The following PEX5L variants were observed in gnomAD, a reference collection of about 807,000 sequenced individuals.
PEX5L encodes the protein PEX5-related protein.
In PEX5L, 30 loss-of-function variants were observed where a neutral mutation model predicts 84.0. That is an observed-to-expected ratio of 0.36 (90% confidence interval 0.27 to 0.48). The LOEUF (loss-of-function observed/expected upper bound fraction) is 0.48. Among genes scored for constraint, PEX5L ranks in the 20% least tolerant of loss-of-function variants. The pLI is 0.99. For synonymous variants in PEX5L, 270 were observed against 283.1 expected (o/e 0.95, Z 0.46); for missense variants, 533 against 754.6 (o/e 0.71, Z 3.44).
chr3:179,869,039 T>G (rs1749366437), intron 7 of PEX5L, among the ~76,000 whole-genome samples: 1 of 152,188 alleles, frequency 6.6e-6, no homozygotes, highest in Non-Finnish European at 1.5e-5. Flanking sequence ...TTGCCAACAT[T>G]TAAATTGTTC....
intron 6 of PEX5L, among the ~76,000 whole-genome samples, chr3:179,875,002 G>C (rs1372162547): frequency 2.6e-5 from 4 of 151,194 alleles, no homozygotes; most frequent in African/African-American, 7.3e-5. Context: ...AACCAAAAAA[G>C]GTACCTGTAT....
chr3:179,983,615 A>C (rs567484817), intron 1 of PEX5L, among the ~76,000 whole-genome samples: 1 of 152,196 alleles, frequency 6.6e-6, no homozygotes, highest in South Asian at 2.1e-4. Flanking sequence ...ACTTAAAAAA[A>C]ACTCCACCAT....
intron 2 of PEX5L, among the ~76,000 whole-genome samples, chr3:179,946,531 GACA>G (rs1777596135): frequency 6.6e-6 from 1 of 152,128 alleles, no homozygotes; most frequent in Non-Finnish European, 1.5e-5. Flanking sequence ...AGGGAATAAT[GACA>G]ACAAGAAGAA....
intron 9 of PEX5L, among the ~76,000 whole-genome samples, chr3:179,817,121 A>AT (rs1212975562): frequency 6.6e-6 from 1 of 152,092 alleles, no homozygotes; most frequent in African/African-American, 2.4e-5. Flanking sequence ...ATAGCTAAGA[A>AT]TTTTTTTGCC....
chr3:179,973,562 T>C (rs961198686), intron 1 of PEX5L: 25 of 973,522 alleles, frequency 2.6e-5, no homozygotes, highest in South Asian at 4.7e-5. Context: ...TCTCTGCATA[T>C]GGACTCTTCA....
intron 1 of PEX5L, among the ~76,000 whole-genome samples, chr3:179,989,475 ATAAC>A (rs1486510590): frequency 6.6e-6 from 1 of 152,216 alleles, no homozygotes; most frequent in Non-Finnish European, 1.5e-5. Context: ...GAAATGTCAG[ATAAC>A]TAGTTTACAA....
rs552662891 is a variant in PEX5L at position 179,876,250 on chromosome 3, T to C, written c.506-773A>G. Among the ~76,000 whole-genome samples the C allele has an allele frequency of 7.9e-5, 12 of 152,102 alleles. No homozygotes were observed. In the South Asian group the frequency reaches 2.3e-3, roughly 29 times the overall value. On this transcript the variant is annotated intron_variant, in intron 5 of 14. Transcript: ENST00000467460. The stretch of plus-strand genomic sequence containing the variant: ...GGCTCACGCCTATAATCCCAGCACA[T>C]TGGGAGGCAGAGGCGGGTGGATCAC...
intron 1 of PEX5L, among the ~76,000 whole-genome samples, chr3:180,002,322 C>G (rs1788498927): frequency 6.6e-6 from 1 of 152,108 alleles, no homozygotes; most frequent in Non-Finnish European, 1.5e-5. Context: ...TGCCAGGTTA[C>G]AAGCTTGCTG....
At chr3:180,031,450 T>C (rs909775934) in intron 1 of PEX5L, among the ~76,000 whole-genome samples, 2 of 152,162 alleles carry the variant, frequency 1.3e-5, no homozygotes, top group African/African-American at 4.8e-5. Flanking sequence ...TAGTTCAAGA[T>C]GATTTGTGTT....
intron 2 of PEX5L, among the ~76,000 whole-genome samples, chr3:179,923,183 C>T (rs980820770): frequency 6.7e-6 from 1 of 148,924 alleles, no homozygotes; most frequent in Non-Finnish European, 1.5e-5. Context: ...CCCAGTTACT[C>T]GGGAGGCTGA....
chr3:179,959,366 T>C (rs1352854764), intron 2 of PEX5L, among the ~76,000 whole-genome samples: 1 of 152,174 alleles, frequency 6.6e-6, no homozygotes, highest in Non-Finnish European at 1.5e-5. Context: ...TGGGAGCCCT[T>C]GGTTCCAACT....
chr3:180,012,369 T>G (rs1789563972), intron 1 of PEX5L, among the ~76,000 whole-genome samples: 2 of 150,404 alleles, frequency 1.3e-5, no homozygotes, highest in Non-Finnish European at 3.0e-5. Context: ...AGCAGAGTAT[T>G]TTTGTATTCT....
At chr3:179,863,249 T>G (rs889662827) in intron 7 of PEX5L, among the ~76,000 whole-genome samples, 31 of 152,020 alleles carry the variant, frequency 2.0e-4, no homozygotes, top group Non-Finnish European at 4.0e-4. Context: ...AAGAAAACAC[T>G]GGGGAAATGC....
intron 8 of PEX5L, among the ~76,000 whole-genome samples, chr3:179,824,097 A>C (rs1038370704): frequency 2.0e-5 from 3 of 152,202 alleles, no homozygotes; most frequent in African/African-American, 7.2e-5. Flanking sequence ...TAAGAAAAGA[A>C]GCAATTTATT....
At chr3:180,004,107 A>G (rs914889618) in intron 1 of PEX5L, among the ~76,000 whole-genome samples, 1 of 152,212 alleles carries the variant, frequency 6.6e-6, no homozygotes, top group African/African-American at 2.4e-5. Flanking sequence ...AAGAGTTTAG[A>G]AAGGTCATCC....
intron 2 of PEX5L, among the ~76,000 whole-genome samples, chr3:179,961,877 C>T (rs759503809): frequency 2.0e-5 from 3 of 152,006 alleles, no homozygotes; most frequent in African/African-American, 4.8e-5. Flanking sequence ...GCTGAACTGT[C>T]GATACGGTTC....
At chr3:179,947,289 CATTA>C (rs565492392) in intron 2 of PEX5L, among the ~76,000 whole-genome samples, 397 of 146,832 alleles carry the variant, frequency 2.7e-3, no homozygotes, top group African/African-American at 8.5e-3. Context: ...ATACAGTTAC[CATTA>C]ATTGAATAAA....
rs1481596551 is a variant in PEX5L, at chr3:179,794,996, T to C, written c.*6832A>G. The stretch of plus-strand genomic sequence containing the variant: ...TTTTATTCTAAAAAGAATCACAAAA[T>C]TCAATTTCAGGTTAAATAATATTTT... On this transcript the variant is annotated 3_prime_UTR_variant, in exon 15 of 15. Transcript: ENST00000467460. The C allele has an allele frequency of 6.6e-6, 1 of 152,208 alleles. No homozygotes were observed. The highest frequency in any genetic ancestry group is 1.5e-5 in the Non-Finnish European group (1 of 68,042). 9.4% of individuals were successfully genotyped at this position (152,208 alleles called of 1,614,324 possible). A position where few individuals can be genotyped will look rare whatever the true frequency, so the allele number is the denominator to read the frequency against.
intron 7 of PEX5L, among the ~76,000 whole-genome samples, chr3:179,859,920 C>G (rs1237469119): frequency 6.6e-6 from 1 of 152,076 alleles, no homozygotes; most frequent in Non-Finnish European, 1.5e-5. Context: ...AAATTGAATA[C>G]TTATTTCGAA....
Sources: allele counts gnomAD v4.1 joint callset (sites outside exome capture counted in the v4.1 genomes callset), GRCh38; gene constraint gnomAD v4.1.1; transcripts MANE v1.5; gene names NCBI Gene and HGNC (gene_info 2026-07-23, HGNC 2026-07-21).